Variants in CEP192 observed in about 807,000 individuals in gnomAD.
The protein encoded by CEP192 is centrosomal protein of 192 kDa.
Under a neutral mutation model 271.8 loss-of-function variants are expected in CEP192, and 151 were observed. That is an observed-to-expected ratio of 0.56 (90% CI 0.49 to 0.64). CEP192 has a LOEUF of 0.64. Ranked by LOEUF, CEP192 falls within the 30% of genes least tolerant of loss-of-function variation. CEP192 has a pLI of 0.00. For synonymous variants in CEP192, 995 were observed against 1,076.5 expected (o/e 0.92, Z 1.48); for missense variants, 2,910 against 3,020.5 (o/e 0.96, Z 0.86).
At chr18:13,092,849 A>G (rs1286987963) in intron 34 of CEP192, among the ~76,000 whole-genome samples, 1 of 152,012 alleles carries the variant, frequency 6.6e-6, no homozygotes, top group African/African-American at 2.4e-5. Flanking sequence ...ATTAGCCCTA[A>G]ATTTCCTAAA....
intron 15 of CEP192, among the ~76,000 whole-genome samples, chr18:13,046,415 A>T (rs908462827): frequency 1.3e-5 from 2 of 152,232 alleles, no homozygotes; most frequent in African/African-American, 4.8e-5. Context: ...TGGAATTTCC[A>T]GCATGGGGGT....
chr18:13,024,926 C>A (rs12963426), intron 9 of CEP192, among the ~76,000 whole-genome samples: 56,028 of 151,522 alleles, frequency 0.37, 10,630 homozygotes, highest in Middle Eastern at 0.47. Context: ...TGCGCCACCC[C>A]ACCTGGCTAA....
At chr18:13,112,310 A>G (rs183200122) in intron 40 of CEP192, among the ~76,000 whole-genome samples, 8 of 152,374 alleles carry the variant, frequency 5.3e-5, no homozygotes, top group Non-Finnish European at 7.3e-5. Context: ...AGTTACTGCT[A>G]CATGCTATAT....
intron 43 of CEP192, among the ~76,000 whole-genome samples, chr18:13,117,369 C>G (rs2040481653): frequency 6.6e-6 from 1 of 152,022 alleles, no homozygotes; most frequent in African/African-American, 2.4e-5. Flanking sequence ...ACACATATTT[C>G]TGGACAACCT....
At chr18:13,013,242 TGATGTCAGAG>T in intron 5 of CEP192, among the ~76,000 whole-genome samples, 1 of 152,280 alleles carries the variant, frequency 6.6e-6, no homozygotes, top group Admixed American at 6.5e-5. Flanking sequence ...TTGGGCTTGG[TGATGTCAGAG>T]CTGAGTCCAT....
chr18:13,116,229 G>A, intron 42 of CEP192, 148 bp from the exon 43 acceptor site: 1 of 772,774 alleles, frequency 1.3e-6, no homozygotes, highest in South Asian at 1.9e-5. Context: ...ACATAAATTA[G>A]ATAAGTCGTC....
In CEP192 at chr18:13,049,453, T is replaced by C; in HGVS notation, c.2662T>C (p.Leu888=). The C allele has an allele frequency of 6.2e-7, 1 of 1,614,122 alleles. No individual in the cohort carries two copies. ...DVKTCSIDNK[L]QDVGNDEKAT... ...GAAGACATGTTCCATTGACAACAAATTACAAGATGTTGGTAACGATGAAAA... is the reference window on the plus strand; with the variant it reads ...GAAGACATGTTCCATTGACAACAAACTACAAGATGTTGGTAACGATGAAAA... Residue 888 remains leucine, a synonymous_variant, in exon 16 of 45, where the codon TTA becomes CTA. Transcript: ENST00000506447.
At position 13,087,559 on chromosome 18, in the gene CEP192, A is replaced by T. The variant is rs1436366348; in HGVS notation, c.5906A>T (p.Asp1969Val). The change falls in exon 32 of 45, where the codon GAC becomes GTC. Residue 1969 changes from aspartate to valine, a missense_variant. Transcript: ENST00000506447. ...ENVTLIYNPS[D>V]RGINNKTATE... is the part of the protein sequence containing the mutation. ...GTTACTTTAATATATAATCCATCAGACAGAGGAATCAATAATAAAACTGCA... is the reference window on the plus strand; with the variant it reads ...GTTACTTTAATATATAATCCATCAGTCAGAGGAATCAATAATAAAACTGCA... The T allele has an allele frequency of 6.5e-7, 1 of 1,550,288 alleles. No homozygotes were observed. Among genetic ancestry groups the T allele is most frequent in the East Asian group, 2.3e-5 (1 of 44,068 alleles).
intron 17 of CEP192, among the ~76,000 whole-genome samples, chr18:13,050,378 A>G (rs905768088): frequency 2.6e-5 from 4 of 152,102 alleles, no homozygotes; most frequent in African/African-American, 9.7e-5. Context: ...AAAATATTGG[A>G]TTTCAAAGAT....
At position 13,099,542 on chromosome 18, in the gene CEP192, G is replaced by C; in HGVS notation, c.6624G>C (p.Trp2208Cys). 6.2e-7 allele frequency: 1 copy of C among 1,604,772 alleles called. No homozygotes were observed. Among genetic ancestry groups the C allele is most frequent in the Non-Finnish European group, 8.5e-7 (1 of 1,176,116 alleles). ...SLSTKQSMFP[W>C]SGLIYIHCDD... ...CCACAAAACAGTCAATGTTCCCGTG[G>C]AGTGGTTTGATCTATATACACTGTG... Residue 2208 changes from tryptophan to cysteine, a missense_variant, in exon 37 of 45, where the codon TGG becomes TGC. By Grantham distance (215) the Trp-to-Cys change is radical (BLOSUM62 -2). Transcript: ENST00000506447.
At chr18:13,096,903 A>G (rs2039428817) in intron 36 of CEP192, among the ~76,000 whole-genome samples, 1 of 152,202 alleles carries the variant, frequency 6.6e-6, no homozygotes, top group South Asian at 2.1e-4. Context: ...GATAGGTGGG[A>G]AAGCCACAGT....
chr18:13,008,141 G>A (rs938103580), intron 3 of CEP192, among the ~76,000 whole-genome samples: 1 of 152,196 alleles, frequency 6.6e-6, no homozygotes, highest in Non-Finnish European at 1.5e-5. Context: ...TTAGAAAGCT[G>A]AATTATGTAG....
chr18:13,056,790 A>T, intron 19 of CEP192, 92 bp downstream of exon 19: 1 of 1,055,446 alleles, frequency 9.5e-7, no homozygotes. Context: ...ACTGGTTAGC[A>T]TTAATTCCTT....
chr18:13,052,812 G>C (rs368540904), intron 17 of CEP192, 107 bp from the exon 18 acceptor site: 2 of 727,770 alleles, frequency 2.7e-6, no homozygotes, highest in East Asian at 2.6e-5. Flanking sequence ...CATTGAATTT[G>C]TGGTTGAGTC....
intron 11 of CEP192, among the ~76,000 whole-genome samples, chr18:13,033,374 G>A (rs982407525): frequency 1.3e-5 from 2 of 152,072 alleles, no homozygotes; most frequent in Admixed American, 6.5e-5. Context: ...AATCCACCCA[G>A]TCATAGTATT....
chr18:13,057,073 T>C (rs987818346), intron 19 of CEP192, among the ~76,000 whole-genome samples: 1 of 152,084 alleles, frequency 6.6e-6, no homozygotes, highest in Non-Finnish European at 1.5e-5. Context: ...CTCGGGTGCA[T>C]TTGTGGGGCA....
At chr18:13,065,594 A>G (rs1171757345) in intron 21 of CEP192, among the ~76,000 whole-genome samples, 3 of 152,210 alleles carry the variant, frequency 2.0e-5, no homozygotes, top group African/African-American at 2.4e-5. Context: ...AATCAATACT[A>G]TTCCTATGCA....
rs1413928755 is a variant in CEP192, at chr18:13,114,126, A to G, written c.7168-4A>G. ...CTCCGTTACCCTGTGATTTTTCTGT[A>G]TAGAGCATCGAAGCAGAAAATGAGC... On this transcript the variant is annotated splice_region_variant and splice_polypyrimidine_tract_variant and intron_variant, in intron 41 of 44. Transcript: ENST00000506447. The G allele has an allele frequency of 6.8e-6, 11 of 1,612,462 alleles. No homozygotes were observed. Among genetic ancestry groups the G allele is most frequent in the South Asian group, 1.1e-5 (1 of 90,688 alleles).
chr18:13,099,251 G>A (rs556494079), intron 36 of CEP192, among the ~76,000 whole-genome samples: 38 of 152,128 alleles, frequency 2.5e-4, no homozygotes, highest in Admixed American at 1.5e-3. Flanking sequence ...TTGCCCTTGC[G>A]TCATGGGTTC....
Sources: gnomAD v4.1 joint callset for allele counts (sites outside exome capture counted in the v4.1 genomes callset) on GRCh38, gnomAD v4.1.1 for gene constraint, MANE v1.5 for transcripts, NCBI Gene and HGNC (gene_info 2026-07-23, HGNC 2026-07-21) for gene names.